The following NT5E variants were observed in gnomAD, a reference collection of about 807,000 sequenced individuals.
NT5E encodes 5'-nucleotidase ecto, also known as 5'-nucleotidase.
In NT5E, 53 loss-of-function variants were observed where a neutral mutation model predicts 55.1. The ratio of observed to expected loss-of-function variants is 0.96; its 90% CI spans 0.77 to 1.21. NT5E has a LOEUF of 1.21. Ranked by LOEUF, NT5E falls within the 50% of genes most tolerant of loss-of-function variation. The pLI is 0.00. For synonymous variants in NT5E, 270 were observed against 278.4 expected, an observed-to-expected ratio of 0.97 and a Z score of 0.30; for missense variants, 683 against 724.3, an observed-to-expected ratio of 0.94 and a Z score of 0.65.
chr6:85,494,724 C>A lies in NT5E; in HGVS notation c.*720C>A. 1 of 152,264 alleles carries A rather than the reference C, an allele frequency of 6.6e-6. No individual in the cohort carries two copies. The highest frequency in any genetic ancestry group is 1.9e-4 in the East Asian group (1 of 5,206). 9.4% of individuals were successfully genotyped at this position (152,264 alleles called of 1,614,324 possible). On this transcript the variant is annotated 3_prime_UTR_variant, in exon 9 of 9. Coordinates refer to ENST00000257770, the MANE Select transcript of NT5E (RefSeq NM_002526.4). ...CACAGGATACCATCCTCTCTTGCAACACCCATGTGCCTTTGATGAGTCAGG... is the reference window on the plus strand; with the variant it reads ...CACAGGATACCATCCTCTCTTGCAAAACCCATGTGCCTTTGATGAGTCAGG...
intron 3 of NT5E, among the ~76,000 whole-genome samples, chr6:85,472,655 A>C (rs1769339265): frequency 6.6e-6 from 1 of 152,228 alleles, no homozygotes; most frequent in East Asian, 1.9e-4. Context: ...AAAGCAGTTT[A>C]TAAACTATAA....
At chr6:85,462,731 G>A (rs1363981988) in intron 1 of NT5E, among the ~76,000 whole-genome samples, 1 of 152,206 alleles carries the variant, frequency 6.6e-6, no homozygotes, top group Admixed American at 6.5e-5. Context: ...GTATGATTTG[G>A]TGCGTGAACC....
At chr6:85,464,978 A>C (rs1442301251) in intron 1 of NT5E, among the ~76,000 whole-genome samples, 1 of 152,226 alleles carries the variant, frequency 6.6e-6, no homozygotes, top group Non-Finnish European at 1.5e-5. Context: ...CTTTTGAGAC[A>C]TTGGGAGGAA....
At chr6:85,478,733 T>TTA (rs896857737) in intron 3 of NT5E, among the ~76,000 whole-genome samples, 54 of 150,232 alleles carry the variant, frequency 3.6e-4, no homozygotes, top group African/African-American at 5.6e-4. Context: ...TTAAATATAT[T>TTA]TATATATATA....
intron 3 of NT5E, among the ~76,000 whole-genome samples, chr6:85,477,208 C>G (rs1378417134): frequency 6.6e-6 from 1 of 152,138 alleles, no homozygotes; most frequent in Admixed American, 6.5e-5. Context: ...CCTTGCTAGC[C>G]TGGAAGTGTC....
At position 85,485,392 on chromosome 6, in the gene NT5E, C is replaced by G. The variant is rs1769631282; in HGVS notation, c.909C>G (p.Ser303=). ...ATGAAAGAGGAAACGTCATCTCTTC[C>G]CATGGAAATCCCATTCTTCTAAACA... ...EFDERGNVIS[S]HGNPILLNSS... Residue 303 remains serine, a synonymous_variant, in exon 4 of 9, where the codon TCC becomes TCG. Transcript: ENST00000257770. 1 of 1,614,062 alleles carries G rather than the reference C, an allele frequency of 6.2e-7. No individual in the cohort carries two copies. Among genetic ancestry groups the G allele is most frequent in the Non-Finnish European group, 8.5e-7 (1 of 1,180,028 alleles).
At chr6:85,456,571 T>A (rs1358969508) in intron 1 of NT5E, among the ~76,000 whole-genome samples, 1 of 152,136 alleles carries the variant, frequency 6.6e-6, no homozygotes, top group Non-Finnish European at 1.5e-5. Flanking sequence ...ATTGGGGAAT[T>A]GGTTGATGTG....
chr6:85,487,628 G>A (rs1357488507), intron 5 of NT5E, 139 bp downstream of exon 5: 4 of 1,159,168 alleles, frequency 3.5e-6, no homozygotes, highest in Non-Finnish European at 5.1e-6. Context: ...GTGGTGGCAT[G>A]TGCCTATAGT....
intron 5 of NT5E, among the ~76,000 whole-genome samples, chr6:85,489,221 G>T (rs528280437): frequency 6.6e-6 from 1 of 152,320 alleles, no homozygotes; most frequent in South Asian, 2.1e-4. Context: ...CGACACCAGG[G>T]CTACAACCGA....
intron 8 of NT5E, among the ~76,000 whole-genome samples, chr6:85,492,912 C>T (rs1254565586): frequency 1.3e-5 from 2 of 152,126 alleles, no homozygotes; most frequent in Admixed American, 6.5e-5. Context: ...TTCCAAGGAG[C>T]GTGGAGGGCA....
intron 1 of NT5E, 115 bp from the exon 2 acceptor site, chr6:85,466,945 G>A (rs1440816675): frequency 1.0e-6 from 1 of 985,244 alleles, no homozygotes; most frequent in Non-Finnish European, 1.6e-6. Context: ...CCCAGGTGAG[G>A]AGGACACAAA....
intron 2 of NT5E, among the ~76,000 whole-genome samples, chr6:85,468,946 G>A (rs1161598273): frequency 1.3e-5 from 2 of 152,142 alleles, no homozygotes; most frequent in Admixed American, 6.5e-5. Flanking sequence ...CCCAGTGTGG[G>A]GGGAAAGGGA....
chr6:85,489,699 T>G (rs890842499), intron 6 of NT5E, 100 bp downstream of exon 6: 1 of 828,100 alleles, frequency 1.2e-6, no homozygotes. Context: ...GCAGCCTCAG[T>G]TCATCTCTGC....
At position 85,494,028 on chromosome 6, in the gene NT5E, T is replaced by A. The variant is rs760361682; in HGVS notation, c.*24T>A. ...AGCCAAAAATTCTCCTTGCCTTTAA[T>A]GTGTGAAACTGCATTTTTTCAAGTG... On this transcript the variant is annotated 3_prime_UTR_variant, in exon 9 of 9. Transcript: ENST00000257770. 1.2e-4 allele frequency: 198 copies of A among 1,611,536 alleles called. No homozygotes were observed. Among genetic ancestry groups the A allele is most frequent in the Non-Finnish European group, 1.6e-4 (184 of 1,178,268 alleles).
intron 7 of NT5E, chr6:85,491,067 C>T: frequency 1.9e-6 from 1 of 531,230 alleles, no homozygotes; most frequent in Non-Finnish European, 3.9e-6. Flanking sequence ...CTGTATTAAC[C>T]AGGATGATTC....
intron 1 of NT5E, among the ~76,000 whole-genome samples, chr6:85,452,415 T>C (rs1195934226): frequency 6.6e-6 from 1 of 152,252 alleles, no homozygotes; most frequent in Non-Finnish European, 1.5e-5. Context: ...ACAGGACATC[T>C]AGGTGAGGCC....
chr6:85,480,387 T>A (rs1769520584), intron 3 of NT5E, among the ~76,000 whole-genome samples: 1 of 152,172 alleles, frequency 6.6e-6, no homozygotes, highest in South Asian at 2.1e-4. Context: ...CCCCTCAAAT[T>A]CCCTAAAGTT....
chr6:85,471,375 G>A lies in NT5E; in HGVS notation c.701G>A (p.Arg234Lys). 6.2e-7 allele frequency: 1 copy of A among 1,613,030 alleles called. No homozygotes were observed. Among genetic ancestry groups the A allele is most frequent in the Non-Finnish European group, 8.5e-7 (1 of 1,179,270 alleles). ...GATAAACTCATCGCTCAGAAAGTGA[G>A]GGGTGTGGACGTCGTGGTGGGAGGA... ...EMDKLIAQKV[R>K]GVDVVVGGHS... The change falls in exon 3 of 9, where the codon AGG (arginine) becomes AAG (lysine). Residue 234 changes from arginine to lysine, a missense_variant. Physicochemically the swap from Arg to Lys is conservative, Grantham distance 26. Coordinates refer to ENST00000257770, the MANE Select transcript of NT5E (RefSeq NM_002526.4).
chr6:85,456,941 G>A (rs1293820329), intron 1 of NT5E, among the ~76,000 whole-genome samples: 1 of 152,186 alleles, frequency 6.6e-6, no homozygotes, highest in East Asian at 1.9e-4. Flanking sequence ...CTAGGGTGCT[G>A]TGGGGTTTAC....
Sources: gnomAD v4.1 joint callset for allele counts (sites outside exome capture counted in the v4.1 genomes callset) on GRCh38, gnomAD v4.1.1 for gene constraint, MANE v1.5 for transcripts, NCBI Gene and HGNC (gene_info 2026-07-23, HGNC 2026-07-21) for gene names.